PCCA: variants seen among roughly 807,000 people sequenced by gnomAD.
The protein encoded by PCCA is propionyl-CoA carboxylase subunit alpha.
In PCCA, 74 loss-of-function variants were observed where a neutral mutation model predicts 101.3. The ratio of observed to expected loss-of-function variants is 0.73; its 90% CI spans 0.61 to 0.89. The LOEUF (loss-of-function observed/expected upper bound fraction) is 0.89. Among genes scored for constraint, PCCA ranks in the 40% least tolerant of loss-of-function variants. PCCA has a pLI of 0.00. For synonymous variants in PCCA, 294 were observed against 313.6 expected, an observed-to-expected ratio of 0.94 and a Z score of 0.66; for missense variants, 891 against 907.0, an observed-to-expected ratio of 0.98 and a Z score of 0.23.
intron 16 of PCCA, among the ~76,000 whole-genome samples, chr13:100,327,273 G>C (rs1299184957): frequency 6.6e-6 from 1 of 152,082 alleles, no homozygotes; most frequent in Non-Finnish European, 1.5e-5. Flanking sequence ...TTCTGTCACT[G>C]TAGGCTCGTT....
intron 6 of PCCA, among the ~76,000 whole-genome samples, chr13:100,170,577 C>T (rs1371602697): frequency 6.6e-6 from 1 of 152,200 alleles, no homozygotes; most frequent in Non-Finnish European, 1.5e-5. Context: ...TTCCACTTCC[C>T]AACCTACCTA....
At chr13:100,278,262 A>G (rs183312260) in intron 12 of PCCA, among the ~76,000 whole-genome samples, 1 of 152,354 alleles carries the variant, frequency 6.6e-6, no homozygotes, top group Admixed American at 6.5e-5. Flanking sequence ...TCTGAAGACA[A>G]TTTGAGACGA....
intron 13 of PCCA, among the ~76,000 whole-genome samples, chr13:100,302,285 GTGTC>G (rs563680463): frequency 6.3e-4 from 96 of 152,180 alleles, no homozygotes; most frequent in African/African-American, 2.3e-3. Flanking sequence ...AAATAAATCA[GTGTC>G]TGTGTTTAAG....
intron 4 of PCCA, among the ~76,000 whole-genome samples, chr13:100,144,494 T>C (rs1381387831): frequency 2.0e-5 from 3 of 152,258 alleles, no homozygotes; most frequent in Non-Finnish European, 4.4e-5. Context: ...TACTCATTTT[T>C]ATATCATATT....
intron 12 of PCCA, among the ~76,000 whole-genome samples, chr13:100,277,582 C>G (rs2063755953): frequency 6.6e-6 from 1 of 152,140 alleles, no homozygotes; most frequent in African/African-American, 2.4e-5. Flanking sequence ...TGTCCTGACT[C>G]TCAACACCCC....
rs201569231 is a variant in PCCA, at chr13:100,226,040, C to T, written c.601-9802C>T. Among the ~76,000 whole-genome samples the T allele has an allele frequency of 1.2e-4, 18 of 152,250 alleles. No homozygotes were observed. The East Asian group carries it at 3.3e-3, about 28-fold the overall frequency. On this transcript the variant is annotated intron_variant, in intron 7 of 23. Transcript: ENST00000376285. ...CTCCTGGTCTCAAGTGATCCACCTT[C>T]ACGACCTCCCAAAGTGCTGGAATTG...
At chr13:100,247,931 C>T (rs964722583) in intron 8 of PCCA, among the ~76,000 whole-genome samples, 28 of 152,088 alleles carry the variant, frequency 1.8e-4, no homozygotes, top group African/African-American at 5.1e-4. Context: ...TACAGTGTAT[C>T]GTGTTTCCTT....
intron 22 of PCCA, among the ~76,000 whole-genome samples, chr13:100,516,899 C>T (rs2086868406): frequency 6.6e-6 from 1 of 152,010 alleles, no homozygotes; most frequent in South Asian, 2.1e-4. Context: ...CTTCTAGTGA[C>T]TAGATATGTA....
intron 21 of PCCA, among the ~76,000 whole-genome samples, chr13:100,487,212 A>G (rs1276741260): frequency 1.3e-5 from 2 of 152,228 alleles, no homozygotes; most frequent in Non-Finnish European, 2.9e-5. Context: ...TACCTGTATA[A>G]TAGAACAAAT....
At chr13:100,194,027 T>C (rs1292278874) in intron 6 of PCCA, among the ~76,000 whole-genome samples, 1 of 151,300 alleles carries the variant, frequency 6.6e-6, no homozygotes, top group Non-Finnish European at 1.5e-5. Flanking sequence ...GCCGAGATTG[T>C]GCCACTGCAC....
At chr13:100,177,679 A>G (rs557928931) in intron 6 of PCCA, among the ~76,000 whole-genome samples, 59 of 152,224 alleles carry the variant, frequency 3.9e-4, no homozygotes, top group Non-Finnish European at 8.1e-4. Flanking sequence ...TTTACCATTT[A>G]TAAAACATTT....
intron 20 of PCCA, among the ~76,000 whole-genome samples, chr13:100,441,412 T>C (rs1566311118): frequency 6.6e-6 from 1 of 152,258 alleles, no homozygotes; most frequent in African/African-American, 2.4e-5. Flanking sequence ...AAGGTGAAAT[T>C]ACCTCTGGTT....
At chr13:100,286,789 C>T (rs1160765534) in intron 12 of PCCA, among the ~76,000 whole-genome samples, 3 of 150,662 alleles carry the variant, frequency 2.0e-5, no homozygotes, top group Non-Finnish European at 4.4e-5. Context: ...AACAAATACT[C>T]GTATGAAAAC....
intron 18 of PCCA, among the ~76,000 whole-genome samples, chr13:100,352,024 G>GTTCTT (rs2073329387): frequency 6.6e-6 from 1 of 151,930 alleles, no homozygotes; most frequent in Non-Finnish European, 1.5e-5. Context: ...AATAGTATTA[G>GTTCTT]TAAAAGAAAA....
In PCCA at chr13:100,351,396, T is replaced by C. The variant is rs138714252; in HGVS notation, c.1643+11137T>C. 3.6e-3 allele frequency among the ~76,000 whole-genome samples: 543 copies of C among 152,290 alleles called. 5 individuals are homozygous for C. The highest frequency in any genetic ancestry group is 0.013 in the African/African-American group (524 of 41,572). Reference sequence around the variant, plus strand: ...TTTGGTGCAAATGGGAAAATATATCTTTTGAACCCATTATTTGATTTTTCA... The same window carrying C: ...TTTGGTGCAAATGGGAAAATATATCCTTTGAACCCATTATTTGATTTTTCA... On this transcript the variant is annotated intron_variant, in intron 18 of 23. Transcript: ENST00000376285.
chr13:100,244,423 G>C (rs1305243210), intron 8 of PCCA, among the ~76,000 whole-genome samples: 1 of 151,874 alleles, frequency 6.6e-6, no homozygotes, highest in African/African-American at 2.4e-5. Flanking sequence ...TTCTTTTTCT[G>C]TCTTTTACTG....
chr13:100,147,475 A>G (rs1202901860), intron 4 of PCCA, among the ~76,000 whole-genome samples: 2 of 152,180 alleles, frequency 1.3e-5, no homozygotes, highest in Non-Finnish European at 1.5e-5. Flanking sequence ...TGGAATTGGC[A>G]TTAGCTGTTC....
intron 19 of PCCA, among the ~76,000 whole-genome samples, chr13:100,388,217 C>T (rs1442589452): frequency 1.3e-5 from 2 of 152,122 alleles, no homozygotes; most frequent in African/African-American, 4.8e-5. Context: ...GCCTATAAGC[C>T]CAACAGTTTA....
At chr13:100,270,446 A>G (rs1405149576) in intron 11 of PCCA, among the ~76,000 whole-genome samples, 1 of 152,222 alleles carries the variant, frequency 6.6e-6, no homozygotes, top group Non-Finnish European at 1.5e-5. Context: ...CTCTGTTTTT[A>G]GTAAAAACCT....
Sources: allele counts gnomAD v4.1 joint callset (sites outside exome capture counted in the v4.1 genomes callset), GRCh38; gene constraint gnomAD v4.1.1; transcripts MANE v1.5; gene names NCBI Gene and HGNC (gene_info 2026-07-23, HGNC 2026-07-21).